DMD: variants seen among roughly 807,000 people sequenced by gnomAD.
DMD encodes the protein mutant dystrophin.
Under a neutral mutation model 330.1 loss-of-function variants are expected in DMD, and 63 were observed. The ratio of observed to expected loss-of-function variants is 0.19; its 90% CI spans 0.16 to 0.24. DMD has a LOEUF of 0.24. DMD is among the 10% of genes least tolerant of loss of function. The pLI is 1.00. For synonymous variants in DMD, 1,223 were observed against 959.8 expected (o/e 1.27, Z -5.07); for missense variants, 3,344 against 2,684.1 (o/e 1.25, Z -5.43).
chrX:33,235,197 ACC>A (rs1175593474), intron 1 of DMD, among the ~76,000 whole-genome samples: 3 of 111,083 alleles, frequency 2.7e-5, no homozygotes, highest in Admixed American at 9.6e-5. Flanking sequence ...GAAAAAATTA[ACC>A]CCTACACAAC....
chrX:32,510,768 A>G (rs771383762), intron 18 of DMD, among the ~76,000 whole-genome samples: 6 of 111,799 alleles, frequency 5.4e-5, no homozygotes, highest in African/African-American at 1.6e-4. Flanking sequence ...TAAAGGAAGG[A>G]TGGATTAAAT....
intron 9 of DMD, among the ~76,000 whole-genome samples, chrX:32,668,757 ATT>A (rs11360330): frequency 4.5e-4 from 47 of 105,272 alleles, no homozygotes; most frequent in African/African-American, 1.5e-3. Flanking sequence ...AACTTGAAAG[ATT>A]TTTTTTTTTT....
At chrX:31,839,338 A>G (rs1404344803) in intron 48 of DMD, among the ~76,000 whole-genome samples, 2 of 112,291 alleles carry the variant, frequency 1.8e-5, no homozygotes, top group Admixed American at 9.5e-5. Context: ...TGCCTAACAC[A>G]TAGTAAGTGC....
chrX:32,237,086 T>G (rs1272703249), intron 43 of DMD, among the ~76,000 whole-genome samples: 1 of 111,446 alleles, frequency 9.0e-6, no homozygotes, highest in Non-Finnish European at 1.9e-5. Flanking sequence ...ATATGTCTTT[T>G]TCTTTACAAT....
chrX:32,882,168 A>T lies in DMD; in HGVS notation c.94-32348T>A, dbSNP rs111542965. 4.3e-3 allele frequency among the ~76,000 whole-genome samples: 485 copies of T among 111,853 alleles called. 7 individuals are homozygous for T. The East Asian group carries it at 0.063, about 15-fold the overall frequency. On this transcript the variant is annotated intron_variant, in intron 2 of 78. Coordinates refer to ENST00000357033, the MANE Select transcript of DMD (RefSeq NM_004006.3). ...TCAGTCCCATTGGGCCCTTCCTGCTATCCCAGAGAGGGTAGCACCAGCCAC... is the reference window on the plus strand; with the variant it reads ...TCAGTCCCATTGGGCCCTTCCTGCTTTCCCAGAGAGGGTAGCACCAGCCAC...
chrX:32,011,522 G>C (rs773452191), intron 44 of DMD, among the ~76,000 whole-genome samples: 2 of 111,612 alleles, frequency 1.8e-5, no homozygotes, highest in South Asian at 7.5e-4. Context: ...AAATGGCAGG[G>C]AAAATACGGA....
chrX:32,045,136 A>G (rs975485403), intron 44 of DMD, among the ~76,000 whole-genome samples: 5 of 110,472 alleles, frequency 4.5e-5, no homozygotes, highest in Non-Finnish European at 7.6e-5. Context: ...AAACTCCCTG[A>G]GGCCTCCCCA....
chrX:31,680,242 C>A (rs1001591264), intron 52 of DMD, among the ~76,000 whole-genome samples: 1 of 112,000 alleles, frequency 8.9e-6, no homozygotes, highest in Non-Finnish European at 1.9e-5. Context: ...CCTTGCCTCA[C>A]CTGTCTCATT....
chrX:32,531,539 C>T (rs1221859878), intron 17 of DMD, among the ~76,000 whole-genome samples: 1 of 111,522 alleles, frequency 9.0e-6, no homozygotes, highest in African/African-American at 3.3e-5. Context: ...AGGTCACAGG[C>T]TTTCAAAAAG....
intron 1 of DMD, among the ~76,000 whole-genome samples, chrX:33,300,956 G>A (rs750490686): frequency 3.6e-5 from 4 of 111,678 alleles, no homozygotes; most frequent in Non-Finnish European, 7.5e-5. Context: ...AGAACCAGTC[G>A]CGTTAGTATT....
At chrX:33,204,976 C>T (rs141848298) in intron 1 of DMD, among the ~76,000 whole-genome samples, 248 of 112,544 alleles carry the variant, frequency 2.2e-3, no homozygotes, top group African/African-American at 7.5e-3. Flanking sequence ...CCATTAGAGA[C>T]GGGGTGTGTA....
chrX:32,167,713 T>C (rs982345336), intron 44 of DMD, among the ~76,000 whole-genome samples: 2 of 112,035 alleles, frequency 1.8e-5, no homozygotes, highest in African/African-American at 6.5e-5. Context: ...GAGGGATGAA[T>C]AGGCATGAAG....
intron 44 of DMD, among the ~76,000 whole-genome samples, chrX:32,196,965 T>A (rs1189760991): frequency 1.3e-5 from 1 of 74,436 alleles, no homozygotes; most frequent in Non-Finnish European, 2.3e-5. Flanking sequence ...CAGCCTGGGG[T>A]GACAGAGCGA....
intron 2 of DMD, among the ~76,000 whole-genome samples, chrX:33,009,162 GTA>G (rs767812488): frequency 1.2e-3 from 3 of 2,516 alleles, no homozygotes; most frequent in Admixed American, 3.9e-3. Flanking sequence ...ACGTATATAT[GTA>G]TATATATGTG....
intron 74 of DMD, among the ~76,000 whole-genome samples, chrX:31,151,098 C>T (rs1218613067): frequency 8.9e-6 from 1 of 111,770 alleles, no homozygotes; most frequent in Non-Finnish European, 1.9e-5. Context: ...CACCTTCAGT[C>T]AGATTCTGCA....
chrX:31,788,417 T>C (rs2091415441), intron 50 of DMD, among the ~76,000 whole-genome samples: 1 of 112,097 alleles, frequency 8.9e-6, no homozygotes, highest in South Asian at 3.7e-4. Context: ...ACTTTTTCCA[T>C]GATGGCGTTG....
chrX:32,580,909 C>T (rs751228742), intron 13 of DMD, among the ~76,000 whole-genome samples: 5 of 110,962 alleles, frequency 4.5e-5, no homozygotes, highest in Admixed American at 1.9e-4. Flanking sequence ...TCACTGCAAC[C>T]TCCACCACCC....
intron 1 of DMD, among the ~76,000 whole-genome samples, chrX:33,226,516 T>G (rs2148878261): frequency 9.0e-6 from 1 of 111,621 alleles, no homozygotes; most frequent in South Asian, 3.7e-4. Context: ...TTTGAGATGA[T>G]AAAATTATAC....
intron 44 of DMD, among the ~76,000 whole-genome samples, chrX:32,203,451 C>T (rs187386793): frequency 3.6e-5 from 4 of 112,267 alleles, no homozygotes; most frequent in African/African-American, 1.3e-4. Context: ...TTGAATGAGC[C>T]AAAGAAGGCT....
Sources: allele counts gnomAD v4.1 joint callset (sites outside exome capture counted in the v4.1 genomes callset), GRCh38; gene constraint gnomAD v4.1.1; transcripts MANE v1.5; gene names NCBI Gene and HGNC (gene_info 2026-07-23, HGNC 2026-07-21).